WASHC4: variants seen among roughly 807,000 people sequenced by gnomAD.
WASHC4 encodes WASH complex subunit 4, also known as WASH complex subunit 7.
In WASHC4, 86 loss-of-function variants were observed where a neutral mutation model predicts 166.6. The ratio of observed to expected loss-of-function variants is 0.52; its 90% confidence interval spans 0.43 to 0.62. The LOEUF (loss-of-function observed/expected upper bound fraction) is 0.62, where lower values mean the gene tolerates loss of function less well. Among genes scored for constraint, WASHC4 ranks in the 20% least tolerant of loss-of-function variants. The pLI is 0.00. For synonymous variants in WASHC4, 446 were observed against 451.6 expected (o/e 0.99, Z 0.16); for missense variants, 1,262 against 1,382.4 (o/e 0.91, Z 1.38).
intron 14 of WASHC4, 145 bp downstream of exon 14, chr12:105,134,041 T>C (rs550175730): frequency 4.0e-5 from 28 of 702,094 alleles, no homozygotes; most frequent in African/African-American, 2.5e-4. Flanking sequence ...GTGTGACTTA[T>C]TAATTTAAAT....
chr12:105,149,391 T>C, intron 24 of WASHC4: 1 of 1,069,914 alleles, frequency 9.3e-7, no homozygotes, highest in Non-Finnish European at 1.1e-6. Context: ...TTCTTTTTTC[T>C]TTTTTAGTAA....
chr12:105,157,358 A>C, intron 28 of WASHC4, 36 bp downstream of exon 28: 2 of 1,197,596 alleles, frequency 1.7e-6, no homozygotes, highest in Non-Finnish European at 2.5e-6. Flanking sequence ...AAGTGTGTTT[A>C]TAAAAAACAT....
intron 9 of WASHC4, among the ~76,000 whole-genome samples, chr12:105,121,907 G>A (rs1046712823): frequency 1.3e-5 from 2 of 152,068 alleles, no homozygotes; most frequent in African/African-American, 2.4e-5. Context: ...CTTATTAAAT[G>A]TCTGGTATGT....
intron 29 of WASHC4, among the ~76,000 whole-genome samples, chr12:105,160,351 T>A (rs922186927): frequency 6.6e-6 from 1 of 151,056 alleles, no homozygotes; most frequent in African/African-American, 2.4e-5. Context: ...TATTGTTAAA[T>A]TTTTTTTTTC....
In WASHC4 at chr12:105,168,852, A is replaced by G. The variant is rs1884938321; in HGVS notation, c.*1921A>G. On this transcript the variant is annotated 3_prime_UTR_variant, in exon 33 of 33. Transcript: ENST00000332180. ...TCACATCTAATAGGTTAATATGTACATTTGGATGATGATTTTTCTTGATAA... is the reference window on the plus strand; with the variant it reads ...TCACATCTAATAGGTTAATATGTACGTTTGGATGATGATTTTTCTTGATAA... The G allele has an allele frequency of 6.6e-6, 1 of 152,394 alleles. No individual in the cohort carries two copies. Among genetic ancestry groups the G allele is most frequent in the African/African-American group, 2.4e-5 (1 of 41,448 alleles). 9.4% of individuals were successfully genotyped at this position (152,394 alleles called of 1,614,324 possible).
intron 1 of WASHC4, among the ~76,000 whole-genome samples, chr12:105,109,090 C>A (rs1565987568): frequency 1.3e-5 from 2 of 152,256 alleles, no homozygotes; most frequent in South Asian, 4.1e-4. Flanking sequence ...GAGCCGAGAT[C>A]GCGCCATTGC....
chr12:105,138,073 G>A lies in WASHC4; in HGVS notation c.1452+62G>A, dbSNP rs533280303. The A allele has an allele frequency of 5.2e-6, 8 of 1,540,358 alleles. No homozygotes were observed. In the African/African-American group the frequency reaches 9.6e-5, roughly 19 times the overall value. On this transcript the variant is annotated intron_variant, in intron 15 of 32. Transcript: ENST00000332180. Reference sequence around the variant, plus strand: ...GAGAAATGACCCAGGCTTAAATTAGGATAATCTTGTAAGGTTTGACTACAT... The same window carrying A: ...GAGAAATGACCCAGGCTTAAATTAGAATAATCTTGTAAGGTTTGACTACAT...
Position 105,164,151 on chromosome 12 carries a change from G to A in WASHC4, c.3198G>A (p.Glu1066=), listed in dbSNP as rs1884666222. The change falls in exon 31 of 33, where the codon GAG becomes GAA. Residue 1066 remains glutamate (E), a synonymous_variant. Coordinates refer to ENST00000332180, the MANE Select transcript of WASHC4 (RefSeq NM_015275.3). ...YILKLLDQYR[E]FDSLHWFQSV... Reference sequence around the variant, plus strand: ...TAAAGCTTTTGGATCAGTATCGGGAGTTTGATTCACTTCACTGGTTCCAGT... The same window carrying A: ...TAAAGCTTTTGGATCAGTATCGGGAATTTGATTCACTTCACTGGTTCCAGT... The A allele has an allele frequency of 1.9e-6, 3 of 1,614,018 alleles. No individual in the cohort carries two copies. Among genetic ancestry groups the A allele is most frequent in the African/African-American group, 1.3e-5 (1 of 74,938 alleles).
At position 105,149,720 on chromosome 12, in the gene WASHC4, A is replaced by G; in HGVS notation, c.2620A>G (p.Arg874Gly). ...SRLIKDIRFFREIKDQNDHKY... is the reference protein window; with the variant it reads ...SRLIKDIRFFGEIKDQNDHKY... Reference sequence around the variant, plus strand: ...ATTGATTAAAGATATTCGATTTTTCAGGGAAATTAAGGACCAAAATGATCA... The same window carrying G: ...ATTGATTAAAGATATTCGATTTTTCGGGGAAATTAAGGACCAAAATGATCA... Residue 874 changes from arginine to glycine, a missense_variant, in exon 25 of 33, where the codon AGG (arginine) becomes GGG (glycine). Arg to Gly is a moderately radical substitution (Grantham distance 125). Coordinates refer to ENST00000332180, the MANE Select transcript of WASHC4 (RefSeq NM_015275.3). 1 of 1,587,608 alleles carries G rather than the reference A, an allele frequency of 6.3e-7. No individual in the cohort carries two copies. Among genetic ancestry groups the G allele is most frequent in the Non-Finnish European group, 8.6e-7 (1 of 1,158,050 alleles).
intron 13 of WASHC4, among the ~76,000 whole-genome samples, chr12:105,130,252 G>C (rs1485118812): frequency 6.6e-6 from 1 of 152,134 alleles, no homozygotes; most frequent in African/African-American, 2.4e-5. Context: ...TGTCAGAGAG[G>C]GCATTCAAAC....
At chr12:105,116,814 G>A (rs1194826021) in intron 6 of WASHC4, among the ~76,000 whole-genome samples, 1 of 152,160 alleles carries the variant, frequency 6.6e-6, no homozygotes, top group Non-Finnish European at 1.5e-5. Flanking sequence ...AAATACTGAG[G>A]TGTAGTCCAA....
At chr12:105,147,432 C>A in intron 24 of WASHC4, 2 of 438,484 alleles carry the variant, frequency 4.6e-6, no homozygotes, top group South Asian at 2.3e-5. Context: ...TATGTGTGTG[C>A]ACACATATAT....
At chr12:105,132,554 G>C (rs1881937682) in intron 13 of WASHC4, among the ~76,000 whole-genome samples, 1 of 152,168 alleles carries the variant, frequency 6.6e-6, no homozygotes, top group African/African-American at 2.4e-5. Context: ...AGACTGAGTT[G>C]GGAAACATTG....
In WASHC4 at chr12:105,164,735, A is replaced by G; in HGVS notation, c.3449A>G (p.Lys1150Arg). ...AAEENQEKKEKEEETKTSNGD... is the reference protein window; with the variant it reads ...AAEENQEKKEREEETKTSNGD... Reference sequence around the variant, plus strand: ...GAAGAAAACCAAGAAAAGAAAGAGAAGGAAGGTCAGTGAGTGGTTTAAATT... The same window carrying G: ...GAAGAAAACCAAGAAAAGAAAGAGAGGGAAGGTCAGTGAGTGGTTTAAATT... Residue 1150 changes from lysine (K) to arginine (R), a missense_variant, in exon 32 of 33, where the codon AAG (lysine) becomes AGG (arginine). Physicochemically the swap from Lys to Arg is conservative, Grantham distance 26 (BLOSUM62 2). Coordinates refer to ENST00000332180, the MANE Select transcript of WASHC4 (RefSeq NM_015275.3). The G allele has an allele frequency of 1.2e-6, 2 of 1,610,522 alleles. No homozygotes were observed. Among genetic ancestry groups the G allele is most frequent in the African/African-American group, 1.3e-5 (1 of 75,032 alleles).
At chr12:105,126,439 T>G (rs1262421837) in intron 12 of WASHC4, 77 bp downstream of exon 12, 2 of 1,120,600 alleles carry the variant, frequency 1.8e-6, no homozygotes, top group African/African-American at 1.6e-5. Context: ...TTAAAATGCA[T>G]TTTATTCCTG....
chr12:105,144,534 G>C, intron 21 of WASHC4, 79 bp downstream of exon 21: 2 of 1,323,234 alleles, frequency 1.5e-6, no homozygotes, highest in African/African-American at 1.5e-5. Context: ...AAAACTTTGA[G>C]GGTATATTTA....
chr12:105,151,571 T>C (rs1363067817), intron 25 of WASHC4, among the ~76,000 whole-genome samples: 2 of 152,070 alleles, frequency 1.3e-5, no homozygotes, highest in Non-Finnish European at 1.5e-5. Flanking sequence ...AGCCTCCGCC[T>C]CTTGGGTTCA....
chr12:105,128,058 T>G (rs1881452074), intron 13 of WASHC4, among the ~76,000 whole-genome samples: 2 of 152,192 alleles, frequency 1.3e-5, no homozygotes, highest in South Asian at 2.1e-4. Context: ...ACTAGCCCCA[T>G]GCTGGTGACA....
intron 1 of WASHC4, among the ~76,000 whole-genome samples, chr12:105,110,428 G>T (rs1436883531): frequency 1.3e-5 from 2 of 152,160 alleles, no homozygotes; most frequent in African/African-American, 4.8e-5. Flanking sequence ...TGACGAATAG[G>T]CATATTTTAA....
Sources: gnomAD v4.1 joint callset for allele counts (sites outside exome capture counted in the v4.1 genomes callset) on GRCh38, gnomAD v4.1.1 for gene constraint, MANE v1.5 for transcripts, NCBI Gene and HGNC (gene_info 2026-07-23, HGNC 2026-07-21) for gene names.